MINK1: variants seen among roughly 807,000 people sequenced by gnomAD.
MINK1 encodes the protein misshapen-like kinase 1.
Under a neutral mutation model 178.4 loss-of-function variants are expected in MINK1, and 46 were observed. The observed-to-expected ratio is 0.26, with a 90% CI of 0.20 to 0.33. MINK1 has a LOEUF of 0.33. MINK1 is among the 10% of genes least tolerant of loss of function. MINK1 has a pLI of 1.00. For synonymous variants in MINK1, 797 were observed against 709.7 expected, an observed-to-expected ratio of 1.12 and a Z score of -1.96; for missense variants, 1,366 against 1,814.9, an observed-to-expected ratio of 0.75 and a Z score of 4.49.
intron 4 of MINK1, among the ~76,000 whole-genome samples, chr17:4,883,471 T>C (rs1967905450): frequency 6.6e-6 from 1 of 151,830 alleles, no homozygotes; most frequent in South Asian, 2.1e-4. Context: ...CCCAAAGTGC[T>C]AGGATTACAG....
chr17:4,861,624 C>T, intron 1 of MINK1: 1 of 259,960 alleles, frequency 3.8e-6, no homozygotes, highest in Admixed American at 4.5e-5. Context: ...CCCCAGCCTC[C>T]CTAGTAGCTG....
chr17:4,850,877 G>C (rs1236127002), intron 1 of MINK1: 1 of 337,948 alleles, frequency 3.0e-6, no homozygotes, highest in African/African-American at 2.2e-5. Context: ...CGTTAGCTTG[G>C]TATCTGCCAG....
intron 1 of MINK1, among the ~76,000 whole-genome samples, chr17:4,855,786 AAG>A (rs1913020646): frequency 6.7e-6 from 1 of 149,618 alleles, no homozygotes; most frequent in Non-Finnish European, 1.5e-5. Context: ...AAAAAAAAAA[AAG>A]AAAGAAACCC....
At chr17:4,845,787 T>A (rs1910929489) in intron 1 of MINK1, among the ~76,000 whole-genome samples, 1 of 152,124 alleles carries the variant, frequency 6.6e-6, no homozygotes, top group Admixed American at 6.6e-5. Flanking sequence ...ACTACAGGCA[T>A]GCGTCACCAC....
intron 1 of MINK1, among the ~76,000 whole-genome samples, chr17:4,872,287 A>C (rs1244113982): frequency 1.3e-5 from 2 of 148,668 alleles, no homozygotes; most frequent in African/African-American, 2.5e-5. Context: ...CTGAGATTGC[A>C]CCACTGCACT....
At chr17:4,880,359 A>G (rs1254691615) in intron 2 of MINK1, among the ~76,000 whole-genome samples, 5 of 144,880 alleles carry the variant, frequency 3.5e-5, no homozygotes, top group Non-Finnish European at 6.0e-5. Flanking sequence ...GTGCAGTGGC[A>G]CAGTCTCGGC....
chr17:4,849,233 C>T (rs1416231989), intron 1 of MINK1, among the ~76,000 whole-genome samples: 1 of 152,198 alleles, frequency 6.6e-6, no homozygotes, highest in African/African-American at 2.4e-5. Context: ...TGTCCTGACT[C>T]AGGAATTCCG....
chr17:4,887,559 C>T lies in MINK1; in HGVS notation c.1020-21C>T, dbSNP rs1276174408. On this transcript the variant is annotated intron_variant, in intron 11 of 31. Coordinates refer to ENST00000355280, the MANE Select transcript of MINK1 (RefSeq NM_153827.5). This position sits in a 1 kb window ranked among gnomAD's most constrained non-coding sequence, Gnocchi z 7.6. ...CAACAGGGTTCTGACCCCAGTGCTT[C>T]TTTGTGCCACCCCTGCCCAGCTCCA... The T allele has an allele frequency of 1.0e-5, 15 of 1,482,512 alleles. No individual in the cohort carries two copies. The highest frequency in any genetic ancestry group is 4.2e-5 in the South Asian group (3 of 71,384). 91.8% of individuals were successfully genotyped at this position (1,482,512 alleles called of 1,614,324 possible). A position where few individuals can be genotyped will look rare whatever the true frequency, so the allele number is the denominator to read the frequency against.
At chr17:4,837,919 A>G (rs1909554486) in intron 1 of MINK1, among the ~76,000 whole-genome samples, 1 of 152,126 alleles carries the variant, frequency 6.6e-6, no homozygotes, top group African/African-American at 2.4e-5. Context: ...TTCTTTGGAT[A>G]AGTGTCTTCG....
intron 1 of MINK1, among the ~76,000 whole-genome samples, chr17:4,835,954 C>G (rs1173096626): frequency 1.3e-5 from 2 of 152,174 alleles, no homozygotes; most frequent in Admixed American, 1.3e-4. Flanking sequence ...CTGCTTCCCC[C>G]TTTCCACCCT....
At position 4,895,819 on chromosome 17, in the gene MINK1, G is replaced by T. The variant is rs747717875; in HGVS notation, c.3351G>T (p.Gly1117=). The change falls in exon 27 of 32, where the codon GGG becomes GGT. Residue 1117 remains glycine (G), a synonymous_variant. Coordinates refer to ENST00000355280, the MANE Select transcript of MINK1 (RefSeq NM_153827.5). This position sits in a 1 kb window ranked among gnomAD's most constrained non-coding sequence, Gnocchi z 4.3. The stretch of plus-strand genomic sequence containing the variant: ...CCGTGGGGGACATGGAGGGCTGCGG[G>T]CACTACCGTGTTGGTGAGGATGTCC... ...WTTVGDMEGC[G]HYRVVKYERI... is the part of the protein sequence containing the mutation. 15 of 1,613,564 alleles carry T rather than the reference G, an allele frequency of 9.3e-6. No homozygotes were observed. The highest frequency in any genetic ancestry group is 1.7e-4 in the Middle Eastern group (1 of 6,058).
chr17:4,889,892 CTT>C (rs1313029547), intron 13 of MINK1, 129 bp downstream of exon 13: 19 of 690,792 alleles, frequency 2.8e-5, no homozygotes, highest in South Asian at 1.5e-4. Context: ...TAGCTTCACT[CTT>C]TCTCTCTGTT....
chr17:4,878,516 G>A (rs1272413029), intron 2 of MINK1, 134 bp downstream of exon 2: 2 of 778,744 alleles, frequency 2.6e-6, no homozygotes, highest in African/African-American at 1.7e-5. Context: ...CCCTGGAAAG[G>A]TAGAGTGGGG....
Position 4,885,671 on chromosome 17 carries a change from A to C in MINK1, c.639+58A>C, listed in dbSNP as rs560503660. 1.5e-5 allele frequency: 24 copies of C among 1,605,506 alleles called. No individual in the cohort carries two copies. The Admixed American group carries it at 4.0e-4, about 27-fold the overall frequency. ...GCCAAGGGCGGGAAGCAATATGGGG[A>C]CCACGGGGCCTGAGCAGGCTGGGGA... On this transcript the variant is annotated intron_variant, in intron 7 of 31. Coordinates refer to ENST00000355280, the MANE Select transcript of MINK1 (RefSeq NM_153827.5). This position sits in a 1 kb window ranked among gnomAD's most constrained non-coding sequence, Gnocchi z 5.0.
At chr17:4,870,036 T>A (rs891839595) in intron 1 of MINK1, among the ~76,000 whole-genome samples, 5 of 150,976 alleles carry the variant, frequency 3.3e-5, no homozygotes, top group Non-Finnish European at 7.4e-5. Context: ...GCCTCCTGAG[T>A]AGCTGGGACT....
chr17:4,866,145 A>G (rs1037330597), intron 1 of MINK1, among the ~76,000 whole-genome samples: 7 of 152,100 alleles, frequency 4.6e-5, no homozygotes, highest in African/African-American at 1.7e-4. Flanking sequence ...AGCCTCATGG[A>G]GTGTGGACCC....
chr17:4,886,478 C>T lies in MINK1; in HGVS notation c.801C>T (p.Asp267=). 6.2e-7 allele frequency: 1 copy of T among 1,610,862 alleles called. No homozygotes were observed. Among genetic ancestry groups the T allele is most frequent in the Non-Finnish European group, 8.5e-7 (1 of 1,178,430 alleles). Residue 267 remains aspartate, a synonymous_variant, in exon 10 of 32, where the codon GAC becomes GAT. Transcript: ENST00000355280. This position sits in a 1 kb window ranked among gnomAD's most constrained non-coding sequence, Gnocchi z 6.1. ...KWSKKFIDFI[D]TCLIKTYLSR... is the part of the protein sequence containing the mutation. Reference sequence around the variant, plus strand: ...CTAAGAAGTTCATTGACTTCATTGACACATGTCTCATCAAGACTTACCTGA... The same window carrying T: ...CTAAGAAGTTCATTGACTTCATTGATACATGTCTCATCAAGACTTACCTGA...
chr17:4,882,674 T>C (rs1967808227), intron 4 of MINK1, among the ~76,000 whole-genome samples: 1 of 152,222 alleles, frequency 6.6e-6, no homozygotes, highest in Non-Finnish European at 1.5e-5. Context: ...GGTTCTGTTG[T>C]TGTACCACGA....
In MINK1 at chr17:4,885,085, T is replaced by G; in HGVS notation, c.508+83T>G. 1 of 1,319,252 alleles carries G rather than the reference T, an allele frequency of 7.6e-7. No homozygotes were observed. Among genetic ancestry groups the G allele is most frequent in the Admixed American group, 1.9e-5 (1 of 52,230 alleles). The allele number at this position is 1,319,252 out of a possible 1,614,324, so 81.7% of individuals were successfully genotyped here. On this transcript the variant is annotated intron_variant, in intron 6 of 31. Coordinates refer to ENST00000355280, the MANE Select transcript of MINK1 (RefSeq NM_153827.5). This position sits in a 1 kb window ranked among gnomAD's most constrained non-coding sequence, Gnocchi z 5.0. ...GGGGCCCCTTTTTCTCTCTGGTGGCTCAGGCCCAACTCCCTTCCTACTGGG... is the reference window on the plus strand; with the variant it reads ...GGGGCCCCTTTTTCTCTCTGGTGGCGCAGGCCCAACTCCCTTCCTACTGGG...
Sources: gnomAD v4.1 joint callset for allele counts (sites outside exome capture counted in the v4.1 genomes callset) on GRCh38, gnomAD v4.1.1 for gene constraint, Gnocchi (gnomAD v3.1) non-coding constraint, MANE v1.5 for transcripts, NCBI Gene and HGNC (gene_info 2026-07-23, HGNC 2026-07-21) for gene names.